The following MCF2L variants were observed in gnomAD, a reference collection of about 807,000 sequenced individuals.
MCF2L encodes the protein MCF.2 cell line derived transforming sequence like, also known as guanine nucleotide exchange factor DBS.
Under a neutral mutation model 153.4 loss-of-function variants are expected in MCF2L, and 97 were observed. The observed-to-expected ratio is 0.63, with a 90% CI of 0.54 to 0.75. MCF2L has a LOEUF of 0.75. Among genes scored for constraint, MCF2L ranks in the 30% least tolerant of loss-of-function variants. The pLI is 0.00. For synonymous variants in MCF2L, 659 were observed against 632.2 expected (o/e 1.04, Z -0.64); for missense variants, 1,347 against 1,495.2 (o/e 0.90, Z 1.64).
rs1351415209 is a variant in MCF2L, at chr13:113,028,236, G to T, written c.278+3478G>T. Among the ~76,000 whole-genome samples the T allele has an allele frequency of 2.6e-5, 4 of 152,148 alleles. No homozygotes were observed. In the South Asian group the frequency reaches 6.2e-4, roughly 24 times the overall value. ...TCAAGATTTTTCTAGAATCTGCGGA[G>T]TTCCTTAGCTACCCACATCCCTTTT... On this transcript the variant is annotated intron_variant, in intron 3 of 29. Coordinates refer to ENST00000535094, the MANE Select transcript of MCF2L (RefSeq NM_001112732.3). This position sits in a 1 kb window ranked among gnomAD's most constrained non-coding sequence, Gnocchi z 5.4.
In MCF2L at chr13:113,028,364, G is replaced by A. The variant is rs770485095; in HGVS notation, c.278+3606G>A. Among the ~76,000 whole-genome samples, 6 of 152,188 alleles carry A rather than the reference G, an allele frequency of 3.9e-5. No individual in the cohort carries two copies. Among genetic ancestry groups the A allele is most frequent in the Admixed American group, 6.5e-5 (1 of 15,282 alleles). ...CATGTGTGCACGCCTCTGTTTATCC[G>A]ATGTTCTGGAACCTTCCATGGCCTC... is the stretch of plus-strand genomic sequence containing the variant. On this transcript the variant is annotated intron_variant, in intron 3 of 29. Transcript: ENST00000535094. The surrounding 1 kb of genome is among the most constrained non-coding windows in gnomAD (Gnocchi z 5.4).
intron 1 of MCF2L, among the ~76,000 whole-genome samples, chr13:113,014,178 G>T (rs2084359627): frequency 6.6e-6 from 1 of 152,246 alleles, no homozygotes; most frequent in South Asian, 2.1e-4. Flanking sequence ...GGAACCTGCT[G>T]GGTGGGGGGA....
intron 2 of MCF2L, among the ~76,000 whole-genome samples, chr13:113,019,370 C>G (rs1285266246): frequency 2.6e-5 from 4 of 152,206 alleles, no homozygotes; most frequent in Non-Finnish European, 5.9e-5. Flanking sequence ...CTGCTCCAAC[C>G]TGGGAGGACC....
chr13:113,059,723 C>A (rs946251227), intron 4 of MCF2L, among the ~76,000 whole-genome samples: 3 of 152,204 alleles, frequency 2.0e-5, no homozygotes. Context: ...TCCCCACTTT[C>A]CCAATGGAGA....
At chr13:112,980,628 G>A (rs972626391) in intron 1 of MCF2L, among the ~76,000 whole-genome samples, 7 of 100,442 alleles carry the variant, frequency 7.0e-5, no homozygotes, top group African/African-American at 2.4e-4. Flanking sequence ...CTCTCAGGCT[G>A]CCGCCTTCCC....
intron 1 of MCF2L, among the ~76,000 whole-genome samples, chr13:113,006,786 C>A (rs912818768): frequency 1.3e-5 from 2 of 152,246 alleles, no homozygotes; most frequent in African/African-American, 4.8e-5. Context: ...CTTGAGAACG[C>A]CCCGAGCATC....
At chr13:113,022,713 G>A (rs1392113237) in intron 2 of MCF2L, among the ~76,000 whole-genome samples, 1 of 152,230 alleles carries the variant, frequency 6.6e-6, no homozygotes, top group Admixed American at 6.5e-5. Context: ...CATTGTGGTA[G>A]GTGCTGCGTG....
At chr13:112,964,981 GTCCAGGTCAGCAATCCTGCCAGA>G (rs1555354985), upstream of MCF2L, 5 of 152,190 alleles carry the variant, frequency 3.3e-5, no homozygotes, top group Non-Finnish European at 7.3e-5. Context: ...AGATGACAGA[GTCCAGGTCAGCAATCCTGCCAGA>G]TTTTATCCCC....
rs757115401 is a variant in MCF2L at position 113,088,608 on chromosome 13, G to C, written c.2814G>C (p.Leu938=). The change falls in exon 25 of 30, where the codon CTG becomes CTC. Residue 938 remains leucine, a synonymous_variant. Transcript: ENST00000535094. ...TGGAGCAGTCACAGAGCCTGCCCCT[G>C]CCGGCCCCGACCAGCACCAGGTGAG... is the stretch of plus-strand genomic sequence containing the variant. ...RALEQSQSLP[L]PAPTSTSPSR... 6 of 1,608,272 alleles carry C rather than the reference G, an allele frequency of 3.7e-6. No homozygotes were observed. In the South Asian group the frequency reaches 6.6e-5, roughly 18 times the overall value.
rs1449540021 is a variant in MCF2L at position 112,983,670 on chromosome 13, G to T, written c.79+14212G>T. ...CGCTGGCTCTGCCCTTGGTCATCAGGATGTGAGGCGGTGACGGACACTTCA... is the reference window on the plus strand; with the variant it reads ...CGCTGGCTCTGCCCTTGGTCATCAGTATGTGAGGCGGTGACGGACACTTCA... On this transcript the variant is annotated intron_variant, in intron 1 of 29. Transcript: ENST00000535094. This position sits in a 1 kb window ranked among gnomAD's most constrained non-coding sequence, Gnocchi z 4.0. Among the ~76,000 whole-genome samples the T allele has an allele frequency of 2.0e-5, 3 of 152,328 alleles. No homozygotes were observed. Among genetic ancestry groups the T allele is most frequent in the African/African-American group, 7.2e-5 (3 of 41,582 alleles).
chr13:112,945,313 T>C (rs2081626600), intron 2 of MCF2L, among the ~76,000 whole-genome samples: 1 of 152,186 alleles, frequency 6.6e-6, no homozygotes, highest in Non-Finnish European at 1.5e-5. Context: ...AGTAATGATG[T>C]ATCAAATTGT....
intron 1 of MCF2L, among the ~76,000 whole-genome samples, chr13:112,996,280 A>T (rs1280900808): frequency 1.3e-5 from 2 of 152,204 alleles, no homozygotes; most frequent in Non-Finnish European, 2.9e-5. Flanking sequence ...AGATCGCATT[A>T]TTCCACTCCA....
chr13:112,987,601 CAACGTTTTCACT>C (rs1370542595), intron 1 of MCF2L, among the ~76,000 whole-genome samples: 1 of 152,136 alleles, frequency 6.6e-6, no homozygotes, highest in Non-Finnish European at 1.5e-5. Context: ...GCGCTGCATG[CAACGTTTTCACT>C]TCCATGGTAG....
At chr13:112,912,104 G>A (rs1418007735) in intron 2 of MCF2L, among the ~76,000 whole-genome samples, 1 of 152,080 alleles carries the variant, frequency 6.6e-6, no homozygotes, top group Non-Finnish European at 1.5e-5. Context: ...TCCCATCCCC[G>A]GGCCCAGCAG....
chr13:112,923,388 C>A (rs550584594), intron 2 of MCF2L, among the ~76,000 whole-genome samples: 1 of 151,250 alleles, frequency 6.6e-6, no homozygotes, highest in Non-Finnish European at 1.5e-5. Context: ...CTCAGCCTCC[C>A]GAGTAGCTGG....
chr13:113,016,020 C>T (rs899116855), intron 2 of MCF2L, among the ~76,000 whole-genome samples: 1 of 152,218 alleles, frequency 6.6e-6, no homozygotes, highest in Non-Finnish European at 1.5e-5. Context: ...GGGCCTCCAG[C>T]CTTGACCTTC....
chr13:113,046,086 T>C lies in MCF2L; in HGVS notation c.369+725T>C, dbSNP rs2086793786. ...GAAGGGGAGCTGGGTTTGCTGTTGG[T>C]TTTAACCCAGAGTAATCATTTAAGA... On this transcript the variant is annotated intron_variant, in intron 4 of 29. Coordinates refer to ENST00000535094, the MANE Select transcript of MCF2L (RefSeq NM_001112732.3). This position sits in a 1 kb window ranked among gnomAD's most constrained non-coding sequence, Gnocchi z 4.4. 1 of 156,384 alleles carries C rather than the reference T, an allele frequency of 6.4e-6. No homozygotes were observed. The highest frequency in any genetic ancestry group is 6.3e-5 in the Admixed American group (1 of 15,968). 9.7% of individuals were successfully genotyped at this position (156,384 alleles called of 1,614,324 possible). A position where few individuals can be genotyped will look rare whatever the true frequency, so the allele number is the denominator to read the frequency against.
chr13:113,096,473 G>A lies in MCF2L; in HGVS notation c.3178G>A (p.Glu1060Lys), dbSNP rs756749366. ...GGTGGAGCTGGTGCAGGAGGGCGAC[G>A]AGGGCCTCTGGTAAGACCCCGCGCT... ...DVVELVQEGD[E>K]GLWYVRDPTT... The change falls in exon 28 of 30, where the codon GAG (glutamate) becomes AAG (lysine). Residue 1060 changes from glutamate to lysine, a missense_variant. By Grantham distance (56) the Glu-to-Lys change is moderately conservative. Around this residue, in one of 3 missense-constraint regions of MCF2L, gnomAD observed 383 missense variants for 335.4 expected, o/e 1.14. Transcript: ENST00000535094. 16 of 1,587,774 alleles carry A rather than the reference G, an allele frequency of 1.0e-5. No individual in the cohort carries two copies. The Admixed American group carries it at 2.3e-4, about 23-fold the overall frequency.
chr13:112,946,239 C>G lies in MCF2L; in HGVS notation c.169+43868C>G, dbSNP rs573384082. On this transcript the variant is annotated intron_variant, in intron 2 of 29. Transcript: ENST00000375608. The stretch of plus-strand genomic sequence containing the variant: ...ATTCTGACTAAAACTATCCAAGATC[C>G]TCCAAGAAATACATATGACTAAAGA... Among the ~76,000 whole-genome samples, 3 of 151,832 alleles carry G rather than the reference C, an allele frequency of 2.0e-5. No individual in the cohort carries two copies. In the East Asian group the frequency reaches 5.8e-4, roughly 29 times the overall value.
Sources: gnomAD v4.1 joint callset for allele counts (sites outside exome capture counted in the v4.1 genomes callset) on GRCh38, gnomAD v4.1.1 for gene constraint, gnomAD v4.1.1 regional missense constraint, Gnocchi (gnomAD v3.1) non-coding constraint, MANE v1.5 for transcripts, NCBI Gene and HGNC (gene_info 2026-07-23, HGNC 2026-07-21) for gene names.